The following ADAMTSL1 variants were observed in gnomAD, a reference collection of about 807,000 sequenced individuals.
ADAMTSL1 encodes ADAMTS like 1.
Under a neutral mutation model 201.8 loss-of-function variants are expected in ADAMTSL1, and 126 were observed. The observed-to-expected ratio is 0.62, with a 90% CI of 0.54 to 0.72. ADAMTSL1 has a LOEUF of 0.72. ADAMTSL1 is among the 30% of genes least tolerant of loss of function. ADAMTSL1 has a pLI of 0.00. For missense variants in ADAMTSL1, 2,679 were observed against 2,277.8 expected, an observed-to-expected ratio of 1.18 and a Z score of -3.59; for synonymous variants, 1,121 against 903.4, an observed-to-expected ratio of 1.24 and a Z score of -4.32.
intron 2 of ADAMTSL1, among the ~76,000 whole-genome samples, chr9:18,335,206 GT>G (rs1233994095): frequency 5.9e-5 from 9 of 152,018 alleles, no homozygotes; most frequent in Admixed American, 3.9e-4. Flanking sequence ...TTACATATTT[GT>G]TTTTTTAAAA....
At position 18,775,756 on chromosome 9, in the gene ADAMTSL1, G is replaced by C; in HGVS notation, c.2411G>C (p.Cys804Ser). The change falls in exon 18 of 29, where the codon TGC becomes TCC. Residue 804 changes from cysteine (C) to serine (S), a missense_variant. Physicochemically the swap from Cys to Ser is moderately radical, Grantham distance 112 (BLOSUM62 -1). Coordinates refer to ENST00000380548, the MANE Select transcript of ADAMTSL1 (RefSeq NM_001040272.6). ...TTTCTCCACCAGTGTTCCACAAGCT[G>C]CGGGGAAGGCACCCAGACTCGAAGC... ...LSDWTECSTS[C>S]GEGTQTRSAI... 1 of 1,613,028 alleles carries C rather than the reference G, an allele frequency of 6.2e-7. No individual in the cohort carries two copies.
At chr9:18,346,879 G>C (rs1193686490) in intron 2 of ADAMTSL1, among the ~76,000 whole-genome samples, 2 of 152,130 alleles carry the variant, frequency 1.3e-5, no homozygotes, top group East Asian at 3.9e-4. Context: ...CAAAACAGGA[G>C]ATGATCTGTC....
chr9:18,274,502 C>A, intron 2 of ADAMTSL1, among the ~76,000 whole-genome samples: 1 of 151,968 alleles, frequency 6.6e-6, no homozygotes, highest in East Asian at 1.9e-4. Context: ...TCTGCAATGT[C>A]TGAGGTATTT....
chr9:18,882,101 C>A (rs1460893464), intron 23 of ADAMTSL1, among the ~76,000 whole-genome samples: 2 of 152,208 alleles, frequency 1.3e-5, no homozygotes, highest in Non-Finnish European at 2.9e-5. Context: ...CAGATAAGTT[C>A]TTCAGCCATA....
intron 13 of ADAMTSL1, among the ~76,000 whole-genome samples, chr9:18,693,246 T>G (rs998479353): frequency 3.9e-5 from 6 of 152,190 alleles, no homozygotes; most frequent in African/African-American, 1.4e-4. Flanking sequence ...GCCCCTTAAT[T>G]TTTTTATTCT....
chr9:18,583,368 G>A (rs1307207839), intron 4 of ADAMTSL1, among the ~76,000 whole-genome samples: 1 of 152,174 alleles, frequency 6.6e-6, no homozygotes, highest in African/African-American at 2.4e-5. Context: ...GCCTGTGAGT[G>A]CACAGAAGTC....
chr9:18,335,921 C>G (rs1835216909), intron 2 of ADAMTSL1, among the ~76,000 whole-genome samples: 1 of 151,996 alleles, frequency 6.6e-6, no homozygotes, highest in Non-Finnish European at 1.5e-5. Flanking sequence ...GATTCCTGCC[C>G]TTAATATCTA....
At chr9:18,076,668 T>A (rs1358541060) in intron 1 of ADAMTSL1, among the ~76,000 whole-genome samples, 1 of 152,206 alleles carries the variant, frequency 6.6e-6, no homozygotes, top group East Asian at 1.9e-4. Flanking sequence ...AAGCAGCTAA[T>A]GTTGGCCAGT....
At chr9:18,896,111 C>G (rs1829620615) in intron 26 of ADAMTSL1, among the ~76,000 whole-genome samples, 1 of 152,124 alleles carries the variant, frequency 6.6e-6, no homozygotes, top group African/African-American at 2.4e-5. Context: ...AGTGAACCAA[C>G]ATATACATTT....
chr9:18,879,375 A>C (rs768957805), intron 23 of ADAMTSL1, among the ~76,000 whole-genome samples: 91 of 152,300 alleles, frequency 6.0e-4, no homozygotes, highest in Non-Finnish European at 9.8e-4. Flanking sequence ...CACAGTAACA[A>C]CACCAGGATT....
chr9:17,962,008 G>A, intron 1 of ADAMTSL1, among the ~76,000 whole-genome samples: 1 of 152,132 alleles, frequency 6.6e-6, no homozygotes, highest in East Asian at 1.9e-4. Context: ...CTTGCAGCAG[G>A]AAGATTTGAT....
At chr9:18,731,749 C>G (rs183130202) in intron 15 of ADAMTSL1, among the ~76,000 whole-genome samples, 1 of 152,224 alleles carries the variant, frequency 6.6e-6, no homozygotes, top group Non-Finnish European at 1.5e-5. Flanking sequence ...GCAGGGGTAG[C>G]ATGGGCTACT....
intron 20 of ADAMTSL1, 119 bp from the exon 21 acceptor site, chr9:18,816,986 ATAGT>A (rs1203172614): frequency 3.2e-5 from 41 of 1,274,304 alleles, no homozygotes; most frequent in East Asian, 5.1e-5. Context: ...AAGAGAAAAC[ATAGT>A]TAGTGGCAAA....
intron 20 of ADAMTSL1, among the ~76,000 whole-genome samples, chr9:18,797,126 A>T (rs547928988): frequency 4.6e-4 from 70 of 152,316 alleles, no homozygotes; most frequent in Non-Finnish European, 6.3e-4. Flanking sequence ...GAGACAGAGC[A>T]GCCAAAGAGG....
At chr9:18,289,424 T>A (rs1432579047) in intron 2 of ADAMTSL1, among the ~76,000 whole-genome samples, 1 of 152,060 alleles carries the variant, frequency 6.6e-6, no homozygotes, top group Non-Finnish European at 1.5e-5. Context: ...AAATTAACCA[T>A]CCAAATTTAC....
chr9:17,948,867 G>T (rs1394623178), intron 1 of ADAMTSL1, among the ~76,000 whole-genome samples: 2 of 152,192 alleles, frequency 1.3e-5, no homozygotes, highest in Non-Finnish European at 2.9e-5. Flanking sequence ...CTACCAGCTG[G>T]GACATGTGAT....
intron 2 of ADAMTSL1, among the ~76,000 whole-genome samples, chr9:18,211,787 A>G (rs1038937256): frequency 2.0e-5 from 3 of 152,204 alleles, no homozygotes; most frequent in Non-Finnish European, 4.4e-5. Context: ...GCACTTTACA[A>G]GTATTGCTTC....
At chr9:18,749,275 C>T (rs979139855) in intron 15 of ADAMTSL1, among the ~76,000 whole-genome samples, 2 of 152,028 alleles carry the variant, frequency 1.3e-5, no homozygotes, top group African/African-American at 4.8e-5. Context: ...AGCTAGCAGT[C>T]GAGTGGGGAA....
rs1828798987 is a variant in ADAMTSL1 at position 18,187,679 on chromosome 9, CA to C, written c.207+23700del. ...TATATTTGGACTTTCTTCCCTGTAA[CA>C]AGGATAAAATAGTAAGTTTGTAATT... On this transcript the variant is annotated intron_variant, in intron 2 of 29. Transcript: ENST00000680146. Among the ~76,000 whole-genome samples, 3 of 151,650 alleles carry C rather than the reference CA, an allele frequency of 2.0e-5. No individual in the cohort carries two copies. The South Asian group carries it at 6.2e-4, about 32-fold the overall frequency.
Sources: allele counts gnomAD v4.1 joint callset (sites outside exome capture counted in the v4.1 genomes callset), GRCh38; gene constraint gnomAD v4.1.1; transcripts MANE v1.5; gene names NCBI Gene and HGNC (gene_info 2026-07-23, HGNC 2026-07-21).